DPP6: variants seen among roughly 807,000 people sequenced by gnomAD.
DPP6 encodes the protein dipeptidyl peptidase like 6.
In DPP6, 69 loss-of-function variants were observed where a neutral mutation model predicts 122.6. That is an observed-to-expected ratio of 0.56 (90% CI 0.46 to 0.69). The LOEUF is 0.69. Ranked by LOEUF, DPP6 falls within the 30% of genes least tolerant of loss-of-function variation. The pLI is 0.00. For missense variants in DPP6, 928 were observed against 1,116.9 expected (o/e 0.83, Z 2.41); for synonymous variants, 418 against 433.1 (o/e 0.97, Z 0.43).
chr7:154,712,251 C>T (rs1362978456), intron 7 of DPP6, among the ~76,000 whole-genome samples: 4 of 152,124 alleles, frequency 2.6e-5, no homozygotes, highest in Non-Finnish European at 4.4e-5. Context: ...TTTGTACATG[C>T]ACACCAATAG....
intron 1 of DPP6, among the ~76,000 whole-genome samples, chr7:154,368,038 C>T (rs910574048): frequency 2.0e-5 from 3 of 152,164 alleles, no homozygotes; most frequent in Non-Finnish European, 2.9e-5. Flanking sequence ...GAACTCCTGA[C>T]CTTGTGATTC....
At chr7:154,825,535 C>A (rs1305060619) in intron 16 of DPP6, among the ~76,000 whole-genome samples, 1 of 152,196 alleles carries the variant, frequency 6.6e-6, no homozygotes, top group African/African-American at 2.4e-5. Flanking sequence ...TCGTCACCGA[C>A]GTGAGCATCT....
intron 1 of DPP6, among the ~76,000 whole-genome samples, chr7:153,915,965 T>G (rs1800289254): frequency 6.6e-6 from 1 of 151,644 alleles, no homozygotes; most frequent in African/African-American, 2.4e-5. Context: ...ATTTATTTAT[T>G]TATTTATTTA....
the DPP6 span, among the ~76,000 whole-genome samples, chr7:153,866,334 T>C: frequency 6.6e-6 from 1 of 152,216 alleles, no homozygotes; most frequent in South Asian, 2.1e-4. Flanking sequence ...GACTTTTTAA[T>C]GATCGCCGTT....
At chr7:154,121,844 C>A (rs1807496609) in intron 1 of DPP6, among the ~76,000 whole-genome samples, 1 of 152,130 alleles carries the variant, frequency 6.6e-6, no homozygotes, top group South Asian at 2.1e-4. Context: ...TCCACAATAA[C>A]AAACAAAAAT....
At chr7:154,466,333 A>G (rs1472788056) in intron 2 of DPP6, among the ~76,000 whole-genome samples, 1 of 152,234 alleles carries the variant, frequency 6.6e-6, no homozygotes, top group East Asian at 1.9e-4. Context: ...CTGCACATGT[A>G]TCCCAGAACT....
chr7:154,118,853 G>A (rs1807202305), intron 1 of DPP6, among the ~76,000 whole-genome samples: 1 of 148,462 alleles, frequency 6.7e-6, no homozygotes, highest in African/African-American at 2.5e-5. Flanking sequence ...GGCTGTCTGT[G>A]TCAGGTCGTC....
chr7:154,549,051 G>T (rs923764893), intron 4 of DPP6, among the ~76,000 whole-genome samples: 15 of 152,180 alleles, frequency 9.9e-5, no homozygotes, highest in Admixed American at 3.3e-4. Context: ...CTGGGGAAAA[G>T]GTGGAGAGAG....
At chr7:154,389,988 T>C (rs1435863768) in intron 1 of DPP6, among the ~76,000 whole-genome samples, 1 of 152,234 alleles carries the variant, frequency 6.6e-6, no homozygotes, top group East Asian at 1.9e-4. Context: ...GTCTAATTTG[T>C]TCTTACTACC....
Position 154,833,329 on chromosome 7 carries a change from T to C in DPP6, c.1667-20451T>C, listed in dbSNP as rs1313620285. Among the ~76,000 whole-genome samples, 1 of 152,160 alleles carries C rather than the reference T, an allele frequency of 6.6e-6. No homozygotes were observed. Among genetic ancestry groups the C allele is most frequent in the Non-Finnish European group, 1.5e-5 (1 of 68,014 alleles). ...GGTGTTTAAGAAAGACCATAAGGGC[T>C]GTAGGAAGCCAAGAAAAGGAGTGTT... On this transcript the variant is annotated intron_variant, in intron 16 of 25. Transcript: ENST00000377770. This position sits in a 1 kb window ranked among gnomAD's most constrained non-coding sequence, Gnocchi z 4.3.
intron 1 of DPP6, among the ~76,000 whole-genome samples, chr7:153,972,192 C>T (rs1796053647): frequency 6.6e-6 from 1 of 151,112 alleles, no homozygotes; most frequent in Non-Finnish European, 1.5e-5. Flanking sequence ...CTCCCAGAGG[C>T]AGATGTGCTC....
chr7:154,337,763 A>T (rs992132558), intron 1 of DPP6, among the ~76,000 whole-genome samples: 5 of 152,206 alleles, frequency 3.3e-5, no homozygotes, highest in Non-Finnish European at 7.3e-5. Context: ...TTGCACTTTG[A>T]TGAGAATGAA....
intron 1 of DPP6, among the ~76,000 whole-genome samples, chr7:154,416,164 G>A (rs1816996713): frequency 6.6e-6 from 1 of 152,048 alleles, no homozygotes; most frequent in Non-Finnish European, 1.5e-5. Flanking sequence ...TCCTGTTCTG[G>A]GACATGAATC....
chr7:154,758,576 T>TCCCCACTAA (rs1433661229), intron 8 of DPP6, among the ~76,000 whole-genome samples: 1 of 152,128 alleles, frequency 6.6e-6, no homozygotes, highest in Non-Finnish European at 1.5e-5. Flanking sequence ...TTCACCATGT[T>TCCCCACTAA]GACCAGGCTG....
At chr7:153,861,232 CATATTT>C in the DPP6 span, among the ~76,000 whole-genome samples, 1 of 152,078 alleles carries the variant, frequency 6.6e-6, no homozygotes, top group South Asian at 2.1e-4. Flanking sequence ...AAACCATAAA[CATATTT>C]ATAATTTATA....
chr7:153,902,577 G>A (rs1799682645), intron 1 of DPP6, among the ~76,000 whole-genome samples: 2 of 152,174 alleles, frequency 1.3e-5, no homozygotes, highest in South Asian at 4.1e-4. Context: ...GCTCACACCT[G>A]TAATCCCAGC....
At chr7:153,887,595 A>T in exon 1 of DPP6, 2 of 1,505,606 alleles carry the variant, frequency 1.3e-6, no homozygotes, top group Non-Finnish European at 1.8e-6. Flanking sequence ...TCCAGTCTTC[A>T]GCCAGTCCAG....
intron 18 of DPP6, among the ~76,000 whole-genome samples, chr7:154,871,298 G>C (rs1804375617): frequency 6.6e-6 from 1 of 152,154 alleles, no homozygotes; most frequent in Non-Finnish European, 1.5e-5. Context: ...TCCAGCAGGG[G>C]GTTTCCTTAA....
intron 1 of DPP6, among the ~76,000 whole-genome samples, chr7:154,382,112 G>T (rs1475521461): frequency 7.2e-6 from 1 of 138,578 alleles, no homozygotes; most frequent in Non-Finnish European, 1.5e-5. Context: ...AGAAGCAGCA[G>T]CATGGGGCTC....
Sources: gnomAD v4.1 joint callset for allele counts (sites outside exome capture counted in the v4.1 genomes callset) on GRCh38, gnomAD v4.1.1 for gene constraint, Gnocchi (gnomAD v3.1) non-coding constraint, MANE v1.5 for transcripts, NCBI Gene and HGNC (gene_info 2026-07-23, HGNC 2026-07-21) for gene names.